The following MYPN variants were observed in gnomAD, a reference collection of about 807,000 sequenced individuals.
MYPN encodes myopalladin, also known as sarcomeric protein myopalladin, 145 kDa (MYOP).
A neutral mutation model predicts 129.4 loss-of-function variants in MYPN; 63 were observed. The observed-to-expected ratio is 0.49, with a 90% CI of 0.40 to 0.60. The LOEUF is 0.60. Among genes scored for constraint, MYPN ranks in the 20% least tolerant of loss-of-function variants. The pLI, the probability that MYPN is intolerant of heterozygous loss-of-function variation, is 0.00. For missense variants in MYPN, 1,596 were observed against 1,635.4 expected (o/e 0.98, Z 0.42); for synonymous variants, 629 against 600.9 (o/e 1.05, Z -0.68).
chr10:68,169,181 T>TAAAAAAAAAA lies in MYPN; in HGVS notation c.1973+2533_1973+2542dup, dbSNP rs59317396. 1.5e-3 allele frequency among the ~76,000 whole-genome samples: 140 copies of TAAAAAAAAAA among 91,068 alleles called. 3 individuals are homozygous for TAAAAAAAAAA. The highest frequency in any genetic ancestry group is 9.1e-3 in the African/African-American group (135 of 14,914). 59.7% of individuals were successfully genotyped at this position (91,068 alleles called of 152,430 possible). On this transcript the variant is annotated intron_variant, in intron 10 of 19. Transcript: ENST00000358913. ...TAACACGGTGAAACTCCGTCTCTAC[T>TAAAAAAAAAA]AAAAAAAAAAAAAAAAAAAAAAAAA...
chr10:68,107,204 A>G (rs142636031), upstream of MYPN, among the ~76,000 whole-genome samples: 1 of 152,326 alleles, frequency 6.6e-6, no homozygotes, highest in East Asian at 1.9e-4. Context: ...ACTAAATATT[A>G]TTTATTTAAA....
At chr10:68,129,683 C>A (rs2042380023) in intron 2 of MYPN, among the ~76,000 whole-genome samples, 1 of 152,162 alleles carries the variant, frequency 6.6e-6, no homozygotes, top group Non-Finnish European at 1.5e-5. Flanking sequence ...TACATTCCCA[C>A]CGACATTGTG....
intron 1 of MYPN, among the ~76,000 whole-genome samples, chr10:68,115,130 G>A (rs896525856): frequency 4.0e-5 from 6 of 151,622 alleles, no homozygotes; most frequent in Non-Finnish European, 5.9e-5. Flanking sequence ...GTGGTGGCAC[G>A]CGCCTGGAAT....
chr10:68,138,100 C>T (rs774407640), intron 2 of MYPN, among the ~76,000 whole-genome samples: 2 of 142,092 alleles, frequency 1.4e-5, no homozygotes, highest in Admixed American at 1.4e-4. Flanking sequence ...TTTTCTTTTT[C>T]TTTTTTCTTC....
chr10:68,161,442 G>C (rs995096005), intron 7 of MYPN, among the ~76,000 whole-genome samples: 1 of 151,764 alleles, frequency 6.6e-6, no homozygotes, highest in African/African-American at 2.4e-5. Flanking sequence ...TTGAACCCAG[G>C]AGGCAGAGGT....
intron 17 of MYPN, among the ~76,000 whole-genome samples, chr10:68,200,578 CAA>C (rs1373575307): frequency 6.6e-6 from 1 of 151,942 alleles, no homozygotes; most frequent in African/African-American, 2.4e-5. Context: ...GCCAACATGG[CAA>C]AACCCCATCT....
intron 1 of MYPN, among the ~76,000 whole-genome samples, chr10:68,118,500 A>G (rs74143021): frequency 0.033 from 5,070 of 152,264 alleles, 271 homozygotes; most frequent in African/African-American, 0.11. Flanking sequence ...TATAAAAGCT[A>G]TCTCAAAATA....
At chr10:68,177,566 T>C (rs12256929) in intron 12 of MYPN, among the ~76,000 whole-genome samples, 9,932 of 152,250 alleles carry the variant, frequency 0.065, 403 homozygotes, top group African/African-American at 0.1. Flanking sequence ...TCCATTGCTG[T>C]CTTCGGAAAT....
At chr10:68,112,170 C>G (rs1240797986) in intron 1 of MYPN, among the ~76,000 whole-genome samples, 1 of 152,120 alleles carries the variant, frequency 6.6e-6, no homozygotes, top group Non-Finnish European at 1.5e-5. Flanking sequence ...CCACCAAACC[C>G]TTTTTCTTTT....
At chr10:68,176,618 TA>T (rs1396138757) in intron 12 of MYPN, among the ~76,000 whole-genome samples, 2 of 152,222 alleles carry the variant, frequency 1.3e-5, no homozygotes, top group East Asian at 3.8e-4. Context: ...ATGTGCTTCT[TA>T]AAATCTTTTA....
intron 19 of MYPN, among the ~76,000 whole-genome samples, chr10:68,209,671 C>CTTTTTTTTTTTTTTTTT (rs35392300): frequency 1.4e-3 from 180 of 131,106 alleles, no homozygotes; most frequent in East Asian, 3.2e-3. Context: ...GAATTCTTTT[C>CTTTTTTTTTTTTTTTTT]TTTTTTTTTT....
At chr10:68,098,063 T>C (rs774027591) in intron 1 of MYPN, among the ~76,000 whole-genome samples, 4 of 152,082 alleles carry the variant, frequency 2.6e-5, no homozygotes, top group Non-Finnish European at 5.9e-5. Context: ...CAGGGCAACA[T>C]GGTGAAACCC....
intron 2 of MYPN, among the ~76,000 whole-genome samples, chr10:68,131,871 T>A (rs2042416866): frequency 1.3e-5 from 2 of 152,200 alleles, no homozygotes; most frequent in South Asian, 4.1e-4. Flanking sequence ...TACAATCAAC[T>A]TCTATAACCT....
chr10:68,159,237 G>T (rs1196493345), intron 7 of MYPN, among the ~76,000 whole-genome samples: 1 of 152,060 alleles, frequency 6.6e-6, no homozygotes, highest in Non-Finnish European at 1.5e-5. Context: ...AATTATACAG[G>T]GATCCCAGGC....
rs1479692619 is a variant in MYPN, at chr10:68,174,499, A to C, written c.2407A>C (p.Ser803Arg). ...TPPPFTFSIP[S>R]GNQFQPRCVS... is the part of the protein sequence containing the mutation. ...ACCACCATTCACATTTTCCATCCCC[A>C]GCGGAAACCAGTTTCAGCCCCGCTG... The change falls in exon 11 of 20, where the codon AGC (serine) becomes CGC (arginine). Residue 803 changes from serine (S) to arginine (R), a missense_variant. Physicochemically the swap from Ser to Arg is moderately radical, Grantham distance 110. Transcript: ENST00000358913. The C allele has an allele frequency of 1.2e-6, 2 of 1,613,838 alleles. No homozygotes were observed. The highest frequency in any genetic ancestry group is 2.7e-5 in the African/African-American group (2 of 74,876).
At chr10:68,134,825 A>C (rs2134036604) in intron 2 of MYPN, among the ~76,000 whole-genome samples, 1 of 152,234 alleles carries the variant, frequency 6.6e-6, no homozygotes, top group African/African-American at 2.4e-5. Context: ...AATTAAATTA[A>C]ATTAAATAGG....
chr10:68,174,587 C>A lies in MYPN; in HGVS notation c.2495C>A (p.Ser832Tyr), dbSNP rs1416050336. The A allele has an allele frequency of 6.2e-7, 1 of 1,614,202 alleles. No homozygotes were observed. Among genetic ancestry groups the A allele is most frequent in the Admixed American group, 1.7e-5 (1 of 60,020 alleles). Residue 832 changes from serine to tyrosine, a missense_variant, in exon 11 of 20, where the codon TCT becomes TAT. Transcript: ENST00000358913. ...CAGAACCCAGTGGCTTTCCTCAGCTCTGTTCTGCCTTCTCTCCCTGCCATC... is the reference window on the plus strand; with the variant it reads ...CAGAACCCAGTGGCTTTCCTCAGCTATGTTCTGCCTTCTCTCCCTGCCATC... ...RIQNPVAFLS[S>Y]VLPSLPAIPP... is the part of the protein sequence containing the mutation.
intron 12 of MYPN, among the ~76,000 whole-genome samples, chr10:68,177,859 TC>T (rs1176978951): frequency 2.0e-5 from 3 of 152,160 alleles, no homozygotes; most frequent in Non-Finnish European, 4.4e-5. Flanking sequence ...AACTTTTAGG[TC>T]CAGAAAGCTG....
At chr10:68,191,052 A>G (rs1313508348) in intron 13 of MYPN, among the ~76,000 whole-genome samples, 2 of 151,730 alleles carry the variant, frequency 1.3e-5, no homozygotes, top group African/African-American at 2.4e-5. Flanking sequence ...CTATGTGTCT[A>G]TTTTTTTGCG....
Sources: allele counts gnomAD v4.1 joint callset (sites outside exome capture counted in the v4.1 genomes callset), GRCh38; gene constraint gnomAD v4.1.1; transcripts MANE v1.5; gene names NCBI Gene and HGNC (gene_info 2026-07-23, HGNC 2026-07-21).